Variants in TLE4 observed in about 807,000 individuals in gnomAD.
TLE4 encodes TLE family member 4, transcriptional corepressor.
A neutral mutation model predicts 92.8 loss-of-function variants in TLE4; 8 were observed. The ratio of observed to expected loss-of-function variants is 0.09; its 90% CI spans 0.05 to 0.16. The LOEUF (loss-of-function observed/expected upper bound fraction) is 0.16. TLE4 is among the 10% of genes least tolerant of loss of function. The pLI is 1.00. For missense variants in TLE4, 675 were observed against 997.6 expected, an observed-to-expected ratio of 0.68 and a Z score of 4.36; for synonymous variants, 371 against 374.1, an observed-to-expected ratio of 0.99 and a Z score of 0.10.
chr9:79,576,970 T>C (rs1056873105), intron 4 of TLE4, among the ~76,000 whole-genome samples: 20 of 151,734 alleles, frequency 1.3e-4, no homozygotes, highest in South Asian at 1.2e-3. Flanking sequence ...CACACAAATA[T>C]ATATACATAC....
intron 4 of TLE4, among the ~76,000 whole-genome samples, chr9:79,596,125 C>G (rs1211032118): frequency 6.6e-6 from 1 of 152,228 alleles, no homozygotes; most frequent in Non-Finnish European, 1.5e-5. Context: ...GGATTACAGG[C>G]GTGAGGAACC....
At chr9:79,639,097 G>C (rs2056613891) in intron 6 of TLE4, among the ~76,000 whole-genome samples, 1 of 152,128 alleles carries the variant, frequency 6.6e-6, no homozygotes, top group African/African-American at 2.4e-5. Context: ...ATATGGTTAT[G>C]TGAAGGCATG....
At chr9:79,646,653 A>C (rs2058147003) in intron 6 of TLE4, among the ~76,000 whole-genome samples, 1 of 152,188 alleles carries the variant, frequency 6.6e-6, no homozygotes, top group Non-Finnish European at 1.5e-5. Flanking sequence ...CTAGTTCCTA[A>C]GGTGAAAATT....
In TLE4 at chr9:79,571,981, G is replaced by C. The variant is rs1025247860; in HGVS notation, c.-810G>C. On this transcript the variant is annotated 5_prime_UTR_variant, in exon 1 of 20. Coordinates refer to ENST00000376552, the MANE Select transcript of TLE4 (RefSeq NM_007005.6). Reference sequence around the variant, plus strand: ...CACCTACACAGAGCGTGTTGTTAGAGCTGTGCTGAGCGGGTGTTTGGGTTG... The same window carrying C: ...CACCTACACAGAGCGTGTTGTTAGACCTGTGCTGAGCGGGTGTTTGGGTTG... 6.6e-6 allele frequency: 1 copy of C among 152,246 alleles called. No individual in the cohort carries two copies. Among genetic ancestry groups the C allele is most frequent in the Non-Finnish European group, 1.5e-5 (1 of 68,080 alleles). The allele number at this position is 152,246 out of a possible 1,614,324, so 9.4% of individuals were successfully genotyped here. A position where few individuals can be genotyped will look rare whatever the true frequency, so the allele number is the denominator to read the frequency against.
intron 14 of TLE4, among the ~76,000 whole-genome samples, chr9:79,714,488 A>C (rs2074065776): frequency 6.6e-6 from 1 of 152,202 alleles, no homozygotes. Context: ...TCCTTTTGGA[A>C]CTTTTGCTCT....
chr9:79,635,817 C>G (rs1475435362), intron 6 of TLE4, among the ~76,000 whole-genome samples: 2 of 152,234 alleles, frequency 1.3e-5, no homozygotes, highest in African/African-American at 4.8e-5. Flanking sequence ...ACTTGTTCTT[C>G]CTGTTCTTCC....
At chr9:79,668,938 A>T in intron 8 of TLE4, 2 of 610,988 alleles carry the variant, frequency 3.3e-6, no homozygotes, top group Non-Finnish European at 4.1e-6. Context: ...GGAATTATCA[A>T]TGCAGGTTAC....
At chr9:79,607,400 G>T (rs187025614) in intron 4 of TLE4, among the ~76,000 whole-genome samples, 15 of 151,998 alleles carry the variant, frequency 9.9e-5, no homozygotes, top group Non-Finnish European at 1.8e-4. Flanking sequence ...GTCAATTTTG[G>T]CTTCTGTTGC....
intron 4 of TLE4, among the ~76,000 whole-genome samples, chr9:79,597,411 C>G (rs1171725239): frequency 1.3e-5 from 2 of 152,186 alleles, no homozygotes; most frequent in African/African-American, 2.4e-5. Context: ...GTCCTCTTCT[C>G]TGCTTACTTT....
At chr9:79,707,643 A>G (rs897826411) in intron 11 of TLE4, among the ~76,000 whole-genome samples, 6 of 152,132 alleles carry the variant, frequency 3.9e-5, no homozygotes, top group African/African-American at 1.4e-4. Flanking sequence ...TTTAAATTTT[A>G]TTTTCTCTTG....
At chr9:79,669,785 G>A (rs952224164) in intron 8 of TLE4, among the ~76,000 whole-genome samples, 1 of 152,162 alleles carries the variant, frequency 6.6e-6, no homozygotes, top group Admixed American at 6.6e-5. Flanking sequence ...GTTAAAAGTG[G>A]GAATGGCCCA....
chr9:79,661,880 T>C (rs898395688), intron 8 of TLE4, among the ~76,000 whole-genome samples: 3 of 152,192 alleles, frequency 2.0e-5, no homozygotes, highest in Admixed American at 2.0e-4. Context: ...AAATTCCCGC[T>C]CATTTGTGAT....
chr9:79,618,147 A>G (rs1169943878), intron 5 of TLE4, among the ~76,000 whole-genome samples: 2 of 152,182 alleles, frequency 1.3e-5, no homozygotes, highest in Non-Finnish European at 2.9e-5. Context: ...TAAAACTTAC[A>G]CCAGTGTAAG....
At chr9:79,653,776 T>G (rs749474565) in intron 7 of TLE4, among the ~76,000 whole-genome samples, 1 of 152,220 alleles carries the variant, frequency 6.6e-6, no homozygotes. Flanking sequence ...ACAGAGTTGA[T>G]GCATGATTGT....
chr9:79,693,580 G>C, intron 8 of TLE4: 1 of 470,642 alleles, frequency 2.1e-6, no homozygotes, highest in African/African-American at 2.0e-5. Context: ...GCAGAGAGCT[G>C]TCCTGCGGTG....
chr9:79,606,983 A>T (rs945347130), intron 4 of TLE4, among the ~76,000 whole-genome samples: 3 of 151,784 alleles, frequency 2.0e-5, no homozygotes, highest in African/African-American at 7.3e-5. Context: ...ACTAATTTAC[A>T]CTCCCACACA....
At chr9:79,714,966 T>C (rs2074185787) in intron 14 of TLE4, among the ~76,000 whole-genome samples, 1 of 152,208 alleles carries the variant, frequency 6.6e-6, no homozygotes, top group African/African-American at 2.4e-5. Context: ...AGCTTTATTA[T>C]TTCCAGTTCT....
chr9:79,658,924 C>T (rs1481082890), intron 8 of TLE4, among the ~76,000 whole-genome samples: 1 of 152,168 alleles, frequency 6.6e-6, no homozygotes, highest in African/African-American at 2.4e-5. Context: ...AATCAGCAAT[C>T]TGAGAAGAGA....
chr9:79,685,847 C>G (rs1271366833), intron 8 of TLE4, among the ~76,000 whole-genome samples: 1 of 152,142 alleles, frequency 6.6e-6, no homozygotes, highest in Non-Finnish European at 1.5e-5. Context: ...AAGGTATTTT[C>G]ACGTCAGAAG....
Sources: allele counts gnomAD v4.1 joint callset (sites outside exome capture counted in the v4.1 genomes callset), GRCh38; gene constraint gnomAD v4.1.1; transcripts MANE v1.5; gene names NCBI Gene and HGNC (gene_info 2026-07-23, HGNC 2026-07-21).